The following RSPH14 variants were observed in gnomAD, a reference collection of about 807,000 sequenced individuals.
RSPH14 encodes rhabdoid tumor deletion region gene 1.
In RSPH14, 20 loss-of-function variants were observed where a neutral mutation model predicts 26.7. The ratio of observed to expected loss-of-function variants is 0.75; its 90% confidence interval spans 0.53 to 1.09. RSPH14 has a LOEUF of 1.09. Among genes scored for constraint, RSPH14 ranks in the 50% least tolerant of loss-of-function variants. The probability of loss-of-function intolerance (pLI) is 0.00; values close to 1 mark genes in which losing one functional copy is unlikely to be tolerated. For synonymous variants in RSPH14, 177 were observed against 189.3 expected (o/e 0.93, Z 0.53); for missense variants, 449 against 457.2 (o/e 0.98, Z 0.16).
chr22:23,108,494 G>A (rs2069549649), intron 4 of RSPH14, among the ~76,000 whole-genome samples: 1 of 152,228 alleles, frequency 6.6e-6, no homozygotes, highest in Non-Finnish European at 1.5e-5. Flanking sequence ...GAGACAGCCG[G>A]GAGAGGCCTG....
At chr22:23,172,277 T>C in the RSPH14 span, among the ~76,000 whole-genome samples, 1 of 152,082 alleles carries the variant, frequency 6.6e-6, no homozygotes, top group South Asian at 2.1e-4. Context: ...TCTCTGCCTA[T>C]AGTGATGGTG....
Position 23,096,403 on chromosome 22 carries a change from C to T in RSPH14, c.422-32270G>A, listed in dbSNP as rs753465078. ...TCAGCGGCTACGACCTGAAACTCTA[C>T]GAGGATAACCAGACAGTAAGTGGGG... On this transcript the variant is annotated intron_variant, in intron 4 of 6. Transcript: ENST00000216036. 34 of 1,607,026 alleles carry T rather than the reference C, an allele frequency of 2.1e-5. No individual in the cohort carries two copies. In the Admixed American group the frequency reaches 2.7e-4, roughly 13 times the overall value.
chr22:23,154,951 C>T, the RSPH14 span, among the ~76,000 whole-genome samples: 1 of 152,032 alleles, frequency 6.6e-6, no homozygotes, highest in Admixed American at 6.6e-5. Context: ...CATGGAGAAA[C>T]CCCATCTCTA....
chr22:23,121,148 G>C (rs1360690285), intron 4 of RSPH14, among the ~76,000 whole-genome samples: 1 of 152,212 alleles, frequency 6.6e-6, no homozygotes, highest in African/African-American at 2.4e-5. Context: ...ATGAGATCTT[G>C]TGTGTTGCTT....
chr22:23,150,463 G>A, the RSPH14 span, among the ~76,000 whole-genome samples: 2 of 151,832 alleles, frequency 1.3e-5, no homozygotes, highest in East Asian at 1.9e-4. Context: ...CACCACGCCC[G>A]GCTAATTTTT....
At chr22:23,112,614 C>G (rs1231126191) in intron 4 of RSPH14, among the ~76,000 whole-genome samples, 1 of 152,132 alleles carries the variant, frequency 6.6e-6, no homozygotes, top group East Asian at 1.9e-4. Context: ...ACCCCCTTCT[C>G]CAGCAAGGAC....
chr22:23,108,455 G>T (rs562376191), intron 4 of RSPH14, among the ~76,000 whole-genome samples: 5 of 152,352 alleles, frequency 3.3e-5, no homozygotes, highest in African/African-American at 1.2e-4. Flanking sequence ...CAAAGGCCTC[G>T]AGGTGACAGA....
At chr22:23,136,694 G>A (rs1407245364) in intron 3 of RSPH14, among the ~76,000 whole-genome samples, 2 of 139,058 alleles carry the variant, frequency 1.4e-5, no homozygotes, top group African/African-American at 2.6e-5. Context: ...AATTACTTTT[G>A]CACTAACCTG....
chr22:23,123,551 C>A lies in RSPH14; in HGVS notation c.421+10475G>T, dbSNP rs970125477. 4.7e-6 allele frequency: 3 copies of A among 638,784 alleles called. No homozygotes were observed. In the African/African-American group the frequency reaches 5.5e-5, roughly 12 times the overall value. The allele number at this position is 638,784 out of a possible 1,614,324, so 39.6% of individuals were successfully genotyped here. ...AGGGGGCCTAAAGAATGTCCCCCAC[C>A]CCTTGGCCTCTGCCTCCTTGGCCCC... On this transcript the variant is annotated intron_variant, in intron 4 of 6. Coordinates refer to ENST00000216036, the MANE Select transcript of RSPH14 (RefSeq NM_014433.3).
chr22:23,070,740 C>G (rs2068343132), intron 4 of RSPH14: 1 of 151,834 alleles, frequency 6.6e-6, no homozygotes, highest in Admixed American at 6.6e-5. Flanking sequence ...ACACCAAGGG[C>G]GGGGACGCCT....
At chr22:23,145,152 T>C, upstream of RSPH14, 1 of 590,264 alleles carries the variant, frequency 1.7e-6, no homozygotes, top group East Asian at 2.8e-5. Flanking sequence ...CCGCCCAACC[T>C]CTCCCAGCCG....
intron 4 of RSPH14, among the ~76,000 whole-genome samples, chr22:23,113,981 G>A (rs1384350142): frequency 1.3e-5 from 2 of 152,208 alleles, no homozygotes; most frequent in Non-Finnish European, 2.9e-5. Flanking sequence ...CCACCAAGGT[G>A]TCCCCAAGCT....
intron 3 of RSPH14, among the ~76,000 whole-genome samples, chr22:23,135,522 T>A (rs373344019): frequency 5.6e-4 from 57 of 101,480 alleles, no homozygotes; most frequent in Non-Finnish European, 1.1e-3. Context: ...AAATATAAAT[T>A]AATAAATAAA....
At chr22:23,133,679 T>A (rs1405901959) in intron 4 of RSPH14, among the ~76,000 whole-genome samples, 3 of 152,114 alleles carry the variant, frequency 2.0e-5, no homozygotes, top group African/African-American at 7.2e-5. Flanking sequence ...AACCTCCGCC[T>A]CCCAGGTTCA....
intron 4 of RSPH14, among the ~76,000 whole-genome samples, chr22:23,114,128 C>T (rs62220912): frequency 6.6e-6 from 1 of 152,222 alleles, no homozygotes; most frequent in African/African-American, 2.4e-5. Context: ...GCCTGGTACT[C>T]GGTGGCCCTG....
the RSPH14 span, among the ~76,000 whole-genome samples, chr22:23,178,378 T>C: frequency 1.3e-5 from 2 of 148,974 alleles, no homozygotes; most frequent in Non-Finnish European, 1.5e-5. Flanking sequence ...ATCACTCCAC[T>C]GCACTCCAGC....
chr22:23,130,029 A>G (rs1201879630), intron 4 of RSPH14, among the ~76,000 whole-genome samples: 2 of 150,432 alleles, frequency 1.3e-5, no homozygotes, highest in Non-Finnish European at 3.0e-5. Context: ...GGAAAGAAAG[A>G]AAGGGAAGGG....
At chr22:23,159,587 C>T in the RSPH14 span, among the ~76,000 whole-genome samples, 3 of 152,232 alleles carry the variant, frequency 2.0e-5, no homozygotes, top group Non-Finnish European at 4.4e-5. Context: ...TCATGAGGCA[C>T]GTTCCATTTT....
intron 5 of RSPH14, among the ~76,000 whole-genome samples, chr22:23,063,189 C>T (rs905267354): frequency 6.6e-6 from 1 of 152,206 alleles, no homozygotes; most frequent in Non-Finnish European, 1.5e-5. Flanking sequence ...TGCATTTTCA[C>T]AAACCTCCCG....
Sources: gnomAD v4.1 joint callset for allele counts (sites outside exome capture counted in the v4.1 genomes callset) on GRCh38, gnomAD v4.1.1 for gene constraint, MANE v1.5 for transcripts, NCBI Gene and HGNC (gene_info 2026-07-23, HGNC 2026-07-21) for gene names.